Variants in ECPAS observed in about 807,000 individuals in gnomAD.
ECPAS encodes the protein proteasome adapter and scaffold protein ECM29.
In ECPAS, 70 loss-of-function variants were observed where a neutral mutation model predicts 255.1. The observed-to-expected ratio is 0.27, with a 90% confidence interval of 0.23 to 0.33. The LOEUF (loss-of-function observed/expected upper bound fraction) is 0.33, where lower values mean the gene tolerates loss of function less well. Among genes scored for constraint, ECPAS ranks in the 10% least tolerant of loss-of-function variants. The pLI is 1.00. For synonymous variants in ECPAS, 784 were observed against 775.0 expected (o/e 1.01, Z -0.19); for missense variants, 1,817 against 2,206.4 (o/e 0.82, Z 3.54).
In ECPAS at chr9:111,428,165, T is replaced by C. The variant is rs1317566840; in HGVS notation, c.931-4A>G. 3.8e-5 allele frequency: 61 copies of C among 1,604,836 alleles called. No individual in the cohort carries two copies. The highest frequency in any genetic ancestry group is 5.1e-5 in the Non-Finnish European group (60 of 1,176,568). ...ACTCTGGCTTCAGAACTGCACCCTGTTGAAAATATGCTTGATTATAACTCA... is the reference window on the plus strand; with the variant it reads ...ACTCTGGCTTCAGAACTGCACCCTGCTGAAAATATGCTTGATTATAACTCA... On this transcript the variant is annotated splice_region_variant and splice_polypyrimidine_tract_variant and intron_variant, in intron 9 of 49. Coordinates refer to ENST00000684092, the MANE Select transcript of ECPAS (RefSeq NM_001364929.1).
chr9:111,386,372 G>A lies in ECPAS; in HGVS notation c.3527+5C>T, dbSNP rs772413606. 23 of 1,558,346 alleles carry A rather than the reference G, an allele frequency of 1.5e-5. No individual in the cohort carries two copies. The highest frequency in any genetic ancestry group is 4.6e-5 in the South Asian group (4 of 87,588). On this transcript the variant is annotated splice_donor_5th_base_variant and intron_variant, in intron 32 of 49. Coordinates refer to ENST00000684092, the MANE Select transcript of ECPAS (RefSeq NM_001364929.1). ...TGACTAAACTTATATTCCTAAAAAC[G>A]GTACCTGGATTCTCGAACTCGCCAC...
intron 35 of ECPAS, among the ~76,000 whole-genome samples, chr9:111,381,701 A>G (rs1255776591): frequency 6.6e-6 from 1 of 152,198 alleles, no homozygotes; most frequent in Non-Finnish European, 1.5e-5. Context: ...ATCTAAAAGC[A>G]AAGGCTCTTT....
At chr9:111,440,061 C>G (rs974841016) in intron 6 of ECPAS, among the ~76,000 whole-genome samples, 3 of 151,764 alleles carry the variant, frequency 2.0e-5, no homozygotes, top group Non-Finnish European at 4.4e-5. Flanking sequence ...GAGAGTCTCG[C>G]TCTGTTACCC....
At chr9:111,393,381 T>G (rs2098163045) in intron 27 of ECPAS, among the ~76,000 whole-genome samples, 1 of 152,118 alleles carries the variant, frequency 6.6e-6, no homozygotes, top group Admixed American at 6.6e-5. Context: ...AAAAAGCTAT[T>G]AGGAGAGATA....
intron 1 of ECPAS, among the ~76,000 whole-genome samples, chr9:111,483,150 G>A (rs917556003): frequency 1.3e-5 from 2 of 152,140 alleles, no homozygotes; most frequent in Non-Finnish European, 2.9e-5. Context: ...GACGGGACGG[G>A]CGGACACTGC....
intron 21 of ECPAS, among the ~76,000 whole-genome samples, chr9:111,411,350 C>G (rs924292174): frequency 6.6e-6 from 1 of 152,138 alleles, no homozygotes. Flanking sequence ...TTTTGAGAAG[C>G]TGAATCTTGA....
intron 24 of ECPAS, among the ~76,000 whole-genome samples, chr9:111,408,301 G>T (rs1305910944): frequency 2.6e-5 from 4 of 152,178 alleles, no homozygotes; most frequent in African/African-American, 9.7e-5. Flanking sequence ...ACATCTGGCT[G>T]ACGGGCTATG....
At chr9:111,465,077 G>A (rs1054014478) in intron 2 of ECPAS, among the ~76,000 whole-genome samples, 2 of 152,096 alleles carry the variant, frequency 1.3e-5, no homozygotes, top group African/African-American at 4.8e-5. Context: ...GGTGGAGGTT[G>A]TGGTGAGTCG....
At chr9:111,452,754 T>C (rs895324425) in intron 2 of ECPAS, among the ~76,000 whole-genome samples, 43 of 152,192 alleles carry the variant, frequency 2.8e-4, no homozygotes, top group African/African-American at 9.9e-4. Context: ...AACAGATTGA[T>C]CGATCAATCC....
intron 15 of ECPAS, among the ~76,000 whole-genome samples, chr9:111,421,407 ATATGTGTGTGTG>A (rs1016874851): frequency 1.6e-5 from 2 of 127,354 alleles, no homozygotes; most frequent in African/African-American, 7.0e-5. Context: ...CATATTACAT[ATATGTGTGTGTG>A]TGTGTGTGTG....
In ECPAS at chr9:111,444,503, C is replaced by T; in HGVS notation, c.154-9G>A. On this transcript the variant is annotated splice_polypyrimidine_tract_variant and intron_variant, in intron 3 of 49. Transcript: ENST00000684092. ...ACCAGCAGTTCCATTACCTAAAATA[C>T]AGAGAGATGGGAACTAAAGTTATTG... 6.4e-7 allele frequency: 1 copy of T among 1,555,678 alleles called. No homozygotes were observed. The highest frequency in any genetic ancestry group is 8.9e-7 in the Non-Finnish European group (1 of 1,129,074).
At chr9:111,368,002 T>C (rs1425631606) in intron 46 of ECPAS, among the ~76,000 whole-genome samples, 1 of 147,348 alleles carries the variant, frequency 6.8e-6, no homozygotes, top group African/African-American at 2.6e-5. Flanking sequence ...ACCACTGCAC[T>C]CCAGCCTGGG....
intron 42 of ECPAS, among the ~76,000 whole-genome samples, 158 bp from the exon 43 acceptor site, chr9:111,371,987 G>A (rs1183233681): frequency 6.6e-6 from 1 of 152,212 alleles, no homozygotes; most frequent in Admixed American, 6.5e-5. Context: ...TGTTGGTGTT[G>A]TGACTTATTC....
intron 1 of ECPAS, chr9:111,483,461 GC>G (rs2098309983): frequency 1.0e-6 from 1 of 966,902 alleles, no homozygotes; most frequent in Admixed American, 6.3e-5. Context: ...ACCGCGCGGC[GC>G]CCGTTCCGGC....
rs1469494382 is a variant in ECPAS, at chr9:111,360,700, TAA to T, written c.*1328_*1329del. ...AACACACATGTTCTGGGTCGTGATG[TAA>T]AAAGTTATTTTTATTATGACTTGCA... On this transcript the variant is annotated 3_prime_UTR_variant, in exon 50 of 50. Coordinates refer to ENST00000684092, the MANE Select transcript of ECPAS (RefSeq NM_001364929.1). 3 of 152,260 alleles carry T rather than the reference TAA, an allele frequency of 2.0e-5. No homozygotes were observed. The highest frequency in any genetic ancestry group is 7.2e-5 in the African/African-American group (3 of 41,464). 9.4% of individuals were successfully genotyped at this position (152,260 alleles called of 1,614,324 possible). A position where few individuals can be genotyped will look rare whatever the true frequency, so the allele number is the denominator to read the frequency against.
At chr9:111,381,609 C>A (rs1467314794) in intron 35 of ECPAS, among the ~76,000 whole-genome samples, 1 of 152,234 alleles carries the variant, frequency 6.6e-6, no homozygotes, top group Non-Finnish European at 1.5e-5. Context: ...CCTAACGACA[C>A]ATTTCTCAGA....
chr9:111,378,449 A>G, intron 36 of ECPAS, 131 bp downstream of exon 36: 1 of 916,024 alleles, frequency 1.1e-6, no homozygotes, highest in South Asian at 2.3e-5. Context: ...AAAAAACAGT[A>G]AAACACTGCA....
intron 10 of ECPAS, 37 bp downstream of exon 10, chr9:111,428,005 G>A: frequency 6.3e-7 from 1 of 1,593,744 alleles, no homozygotes; most frequent in South Asian, 1.1e-5. Flanking sequence ...CATAAAAGTT[G>A]CAGACAGGCC....
rs574119227 is a variant in ECPAS at position 111,400,909 on chromosome 9, A to G, written c.2653-3756T>C. Among the ~76,000 whole-genome samples, 105 of 152,350 alleles carry G rather than the reference A, an allele frequency of 6.9e-4. 2 individuals are homozygous for G. In the South Asian group the frequency reaches 0.021, roughly 31 times the overall value. On this transcript the variant is annotated intron_variant, in intron 24 of 49. Coordinates refer to ENST00000684092, the MANE Select transcript of ECPAS (RefSeq NM_001364929.1). ...CTAGAAAAAGATGAACACCCAGGTA[A>G]AAGAAGGTCAAAGAACACCAAGAAA...
Sources: allele counts gnomAD v4.1 joint callset (sites outside exome capture counted in the v4.1 genomes callset), GRCh38; gene constraint gnomAD v4.1.1; transcripts MANE v1.5; gene names NCBI Gene and HGNC (gene_info 2026-07-23, HGNC 2026-07-21).